The following NAALAD2 variants were observed in gnomAD, a reference collection of about 807,000 sequenced individuals.
NAALAD2 encodes the protein N-acetylated alpha-linked acidic dipeptidase 2.
In NAALAD2, 89 loss-of-function variants were observed where a neutral mutation model predicts 95.6. The observed-to-expected ratio is 0.93, with a 90% confidence interval of 0.78 to 1.11. The LOEUF is 1.11. NAALAD2 is among the 50% of genes least tolerant of loss of function. The pLI, the probability that NAALAD2 is intolerant of heterozygous loss-of-function variation, is 0.00. For missense variants in NAALAD2, 894 were observed against 872.4 expected, an observed-to-expected ratio of 1.02 and a Z score of -0.31; for synonymous variants, 264 against 294.4, an observed-to-expected ratio of 0.90 and a Z score of 1.06.
In NAALAD2 at chr11:90,182,958, G is replaced by T; in HGVS notation, c.1983G>T (p.Leu661=). 6.2e-7 allele frequency: 1 copy of T among 1,612,454 alleles called. No homozygotes were observed. The highest frequency in any genetic ancestry group is 1.7e-4 in the Middle Eastern group (1 of 6,052). The change falls in exon 18 of 19, where the codon CTG becomes CTT. Residue 661 remains leucine, a synonymous_variant. Transcript: ENST00000534061. ...VRMMNDQLML[L]ERAFIDPLGL... ...TGATGAATGACCAACTGATGCTCCT[G>T]GAAAGAGCATTCATCGATCCTCTTG...
chr11:90,159,393 T>C, intron 8 of NAALAD2, 56 bp downstream of exon 8: 2 of 1,293,166 alleles, frequency 1.5e-6, no homozygotes, highest in Non-Finnish European at 2.2e-6. Flanking sequence ...AATGGAAACA[T>C]GTCAAGATAA....
At chr11:90,147,216 A>G (rs1215525888) in intron 2 of NAALAD2, 114 bp from the exon 3 acceptor site, 5 of 820,526 alleles carry the variant, frequency 6.1e-6, no homozygotes, top group Non-Finnish European at 7.5e-6. Flanking sequence ...TTTATCTGTC[A>G]TATAGGAATG....
rs71472281 is a variant in NAALAD2, at chr11:90,139,855, C to CT, written c.194+4202dup. Among the ~76,000 whole-genome samples the CT allele has an allele frequency of 1.3e-3, 182 of 144,216 alleles. 2 individuals are homozygous for CT. The highest frequency in any genetic ancestry group is 8.9e-3 in the East Asian group (44 of 4,948). 94.6% of individuals were successfully genotyped at this position (144,216 alleles called of 152,430 possible). On this transcript the variant is annotated intron_variant, in intron 2 of 18. Transcript: ENST00000534061. ...GCCATGACAGCTTCACAAACTTTTC[C>CT]TTTTTTTTTTTTTTTTTAACAATAG...
upstream of NAALAD2, among the ~76,000 whole-genome samples, chr11:90,133,959 A>T (rs1457083763): frequency 6.6e-6 from 1 of 152,062 alleles, no homozygotes; most frequent in African/African-American, 2.4e-5. Flanking sequence ...GCTGGAAGAG[A>T]GGGGTATGGT....
At chr11:90,147,215 C>A in intron 2 of NAALAD2, 115 bp from the exon 3 acceptor site, 1 of 811,970 alleles carries the variant, frequency 1.2e-6, no homozygotes, top group Non-Finnish European at 1.9e-6. Flanking sequence ...TTTTATCTGT[C>A]ATATAGGAAT....
intron 1 of NAALAD2, 131 bp downstream of exon 1, chr11:90,134,971 C>T (rs1290401247): frequency 1.1e-6 from 1 of 921,734 alleles, no homozygotes. Context: ...ATATGATAAA[C>T]TCTGCACATT....
upstream of NAALAD2, chr11:90,134,605 C>T: frequency 4.7e-6 from 3 of 644,568 alleles, no homozygotes; most frequent in Admixed American, 2.8e-5. Context: ...CTGGGGACCA[C>T]AGGTCCCCAG....
At chr11:90,148,463 G>A (rs190886592) in intron 3 of NAALAD2, among the ~76,000 whole-genome samples, 2 of 152,148 alleles carry the variant, frequency 1.3e-5, no homozygotes, top group Admixed American at 1.3e-4. Flanking sequence ...CAGGCCCAGG[G>A]TGAGAGATGA....
At position 90,177,586 on chromosome 11, in the gene NAALAD2, G is replaced by GTTTTT. The variant is rs57694347; in HGVS notation, c.1594-233_1594-229dup. Among the ~76,000 whole-genome samples, 68 of 28,462 alleles carry GTTTTT rather than the reference G, an allele frequency of 2.4e-3. 13 individuals are homozygous for GTTTTT. The highest frequency in any genetic ancestry group is 3.0e-3 in the Non-Finnish European group (48 of 16,068). 18.7% of individuals were successfully genotyped at this position (28,462 alleles called of 152,430 possible). ...TATGGTTGTATTTTTTCTTTTTCTT[G>GTTTTT]TTTTTTTTTTTTTTTTTTTTTTTTT... On this transcript the variant is annotated intron_variant, in intron 15 of 18. Coordinates refer to ENST00000534061, the MANE Select transcript of NAALAD2 (RefSeq NM_005467.4).
At chr11:90,180,464 C>T (rs1470303529) in intron 16 of NAALAD2, among the ~76,000 whole-genome samples, 1 of 152,062 alleles carries the variant, frequency 6.6e-6, no homozygotes, top group Non-Finnish European at 1.5e-5. Flanking sequence ...TATACTTATA[C>T]TGAATGTACC....
chr11:90,181,060 TA>T (rs1348317421), intron 16 of NAALAD2, among the ~76,000 whole-genome samples: 1 of 152,094 alleles, frequency 6.6e-6, no homozygotes, highest in African/African-American at 2.4e-5. Flanking sequence ...GCCTCACTGA[TA>T]CTGAGGTATG....
upstream of NAALAD2, among the ~76,000 whole-genome samples, chr11:90,133,075 CA>C (rs1222377987): frequency 1.3e-5 from 2 of 151,662 alleles, no homozygotes; most frequent in African/African-American, 2.4e-5. Context: ...AATACAAGGA[CA>C]AAAAAAAGTT....
intron 2 of NAALAD2, among the ~76,000 whole-genome samples, chr11:90,141,783 T>G (rs2187317): frequency 0.39 from 58,524 of 151,900 alleles, 11,394 homozygotes; most frequent in South Asian, 0.49. Flanking sequence ...TGTTTGTTTG[T>G]TTTGGTTTGT....
intron 18 of NAALAD2, 94 bp downstream of exon 18, chr11:90,183,102 C>A: frequency 1.3e-6 from 1 of 784,800 alleles, no homozygotes; most frequent in Non-Finnish European, 2.3e-6. Context: ...GGGTGAAAGG[C>A]AAATATGTAC....
At chr11:90,180,779 T>G (rs890617985) in intron 16 of NAALAD2, among the ~76,000 whole-genome samples, 1 of 152,050 alleles carries the variant, frequency 6.6e-6, no homozygotes, top group Admixed American at 6.6e-5. Context: ...ATCCATGTAT[T>G]CAACCAACTG....
chr11:90,158,075 CA>C, intron 6 of NAALAD2, 69 bp from the exon 7 acceptor site: 2 of 1,176,850 alleles, frequency 1.7e-6, no homozygotes, highest in South Asian at 1.3e-5. Flanking sequence ...AACGGTTATG[CA>C]AAAAATCCCT....
intron 2 of NAALAD2, among the ~76,000 whole-genome samples, chr11:90,140,189 C>T (rs542729655): frequency 3.9e-5 from 6 of 152,182 alleles, no homozygotes; most frequent in Non-Finnish European, 5.9e-5. Flanking sequence ...CACAAGCTCA[C>T]GGCAAGAGCA....
chr11:90,154,962 A>AAT (rs1459272661), intron 6 of NAALAD2, among the ~76,000 whole-genome samples: 13,506 of 74,870 alleles, frequency 0.18, 1,637 homozygotes, highest in African/African-American at 0.31. Context: ...ACGTATACAT[A>AAT]ATATGTATAT....
In NAALAD2 at chr11:90,173,878, G is replaced by T; in HGVS notation, c.1465G>T (p.Glu489Ter). Residue 489 changes from glutamate to a stop codon, truncating the protein, a stop_gained, in exon 14 of 19, where the codon GAA becomes TAA. Transcript: ENST00000534061. LOFTEE classifies it high-confidence loss of function. ...ESKSLYESWL[E>*]KDPSPENKNL... is the part of the protein sequence containing the mutation. The stretch of plus-strand genomic sequence containing the variant: ...TAAATCACTGTATGAAAGCTGGTTG[G>T]AAAAAGACCCTTCACCTGAAAATAA... 6.2e-7 allele frequency: 1 copy of T among 1,612,678 alleles called. No individual in the cohort carries two copies. The highest frequency in any genetic ancestry group is 8.5e-7 in the Non-Finnish European group (1 of 1,179,370).
Sources: gnomAD v4.1 joint callset for allele counts (sites outside exome capture counted in the v4.1 genomes callset) on GRCh38, gnomAD v4.1.1 for gene constraint, MANE v1.5 for transcripts, NCBI Gene and HGNC (gene_info 2026-07-23, HGNC 2026-07-21) for gene names.